PCDHA7: variants seen among roughly 807,000 people sequenced by gnomAD.
The protein encoded by PCDHA7 is protocadherin alpha-7.
PCDHA7 carries 37 observed loss-of-function variants against 57.2 expected under a neutral mutation model. That is an observed-to-expected ratio of 0.65 (90% CI 0.50 to 0.85). PCDHA7 has a LOEUF of 0.85. Ranked by LOEUF, PCDHA7 falls within the 40% of genes least tolerant of loss-of-function variation. The probability of loss-of-function intolerance (pLI) is 0.00; values close to 1 mark genes in which losing one functional copy is unlikely to be tolerated. For synonymous variants in PCDHA7, 553 were observed against 558.8 expected (o/e 0.99, Z 0.15); for missense variants, 1,188 against 1,241.8 (o/e 0.96, Z 0.65).
At chr5:140,910,028 T>C (rs1402911275) in intron 1 of PCDHA7, among the ~76,000 whole-genome samples, 4 of 152,222 alleles carry the variant, frequency 2.6e-5, no homozygotes, top group African/African-American at 9.6e-5. Flanking sequence ...ATCCCTGGGA[T>C]AAATCCCACT....
At chr5:140,980,173 G>GA (rs2096879198) in intron 2 of PCDHA7, among the ~76,000 whole-genome samples, 1 of 152,162 alleles carries the variant, frequency 6.6e-6, no homozygotes, top group Non-Finnish European at 1.5e-5. Flanking sequence ...GGTATCAGAA[G>GA]AAATTCTTTA....
chr5:140,917,333 G>A (rs1301739777), intron 1 of PCDHA7, among the ~76,000 whole-genome samples: 2 of 148,632 alleles, frequency 1.3e-5, no homozygotes, highest in African/African-American at 4.9e-5. Flanking sequence ...GCGGGGGAGG[G>A]GGGGGATGGT....
intron 1 of PCDHA7, chr5:140,847,977 G>A (rs1781271032): frequency 6.4e-6 from 1 of 155,600 alleles, no homozygotes; most frequent in Non-Finnish European, 1.4e-5. Context: ...CGAGCCATAT[G>A]GGAGATTCTG....
chr5:140,954,208 A>C (rs568734009), intron 1 of PCDHA7, among the ~76,000 whole-genome samples: 1 of 152,254 alleles, frequency 6.6e-6, no homozygotes, highest in Admixed American at 6.5e-5. Context: ...GGTTGATCCC[A>C]TGTTTTTGCT....
chr5:140,876,801 G>A lies in PCDHA7; in HGVS notation c.2355+40063G>A, dbSNP rs1015597244. 3.1e-6 allele frequency: 5 copies of A among 1,614,114 alleles called. No homozygotes were observed. The African/African-American group carries it at 6.7e-5, about 22-fold the overall frequency. On this transcript the variant is annotated intron_variant, in intron 1 of 3. Transcript: ENST00000525929. ...TGTGGGCCACGGCTAGAGTGTCCGT[G>A]GAGGTGGCCGACGTGAACGACAATG...
At chr5:140,905,842 T>C (rs2072141061) in intron 1 of PCDHA7, among the ~76,000 whole-genome samples, 1 of 152,148 alleles carries the variant, frequency 6.6e-6, no homozygotes, top group Non-Finnish European at 1.5e-5. Flanking sequence ...GGGGAGTTTA[T>C]TAAGGAGTAT....
intron 1 of PCDHA7, chr5:140,882,203 TGA>T: frequency 6.5e-7 from 1 of 1,530,090 alleles, no homozygotes; most frequent in Non-Finnish European, 8.8e-7. Flanking sequence ...AATTGGGCCT[TGA>T]GAGACAGTTT....
chr5:140,847,199 C>A (rs2150397998), intron 1 of PCDHA7, among the ~76,000 whole-genome samples: 1 of 149,422 alleles, frequency 6.7e-6, no homozygotes, highest in Non-Finnish European at 1.5e-5. Context: ...AGGAATTTGG[C>A]CACTCTTTAG....
In PCDHA7 at chr5:140,882,793, C is replaced by A. The variant is rs1176435531; in HGVS notation, c.2355+46055C>A. 2.5e-6 allele frequency: 4 copies of A among 1,614,092 alleles called. No individual in the cohort carries two copies. In the Admixed American group the frequency reaches 6.7e-5, roughly 27 times the overall value. On this transcript the variant is annotated intron_variant, in intron 1 of 3. Coordinates refer to ENST00000525929, the MANE Select transcript of PCDHA7 (RefSeq NM_018910.3). ...CATTGACCTACCGACTGGATCCCAA[C>A]GATTATTTCACTTTGGACGCACAAA... is the stretch of plus-strand genomic sequence containing the variant.
At chr5:140,844,109 T>A (rs1779229208) in intron 1 of PCDHA7, among the ~76,000 whole-genome samples, 1 of 149,768 alleles carries the variant, frequency 6.7e-6, no homozygotes, top group Non-Finnish European at 1.5e-5. Flanking sequence ...CCATATGCTG[T>A]ACTTTGAAAT....
chr5:140,853,779 T>G lies in PCDHA7; in HGVS notation c.2355+17041T>G, dbSNP rs958716488. On this transcript the variant is annotated intron_variant, in intron 1 of 3. Coordinates refer to ENST00000525929, the MANE Select transcript of PCDHA7 (RefSeq NM_018910.3). ...ACCTCAGAAATTCTGAAATGGGTAG[T>G]AAGAGCAAATTTTCATTTTAAAGCA... 3.5e-5 allele frequency: 35 copies of G among 987,624 alleles called. No individual in the cohort carries two copies. In the African/African-American group the frequency reaches 6.2e-4, roughly 17 times the overall value. 61.2% of individuals were successfully genotyped at this position (987,624 alleles called of 1,614,324 possible).
chr5:140,883,226 G>A, intron 1 of PCDHA7: 2 of 1,613,938 alleles, frequency 1.2e-6, no homozygotes, highest in South Asian at 1.1e-5. Flanking sequence ...TGAAATATCC[G>A]TGGAGGCAGT....
intron 1 of PCDHA7, chr5:140,929,259 G>A (rs782558603): frequency 4.7e-5 from 76 of 1,612,754 alleles, no homozygotes; most frequent in Non-Finnish European, 6.2e-5. Context: ...GGGTAGGACT[G>A]AATTTGCCAA....
At chr5:140,858,851 A>G in intron 1 of PCDHA7, 1 of 282,254 alleles carries the variant, frequency 3.5e-6, no homozygotes, top group Non-Finnish European at 6.7e-6. Flanking sequence ...ACTGATCTAT[A>G]TCTCTTCAGT....
intron 1 of PCDHA7, chr5:140,884,432 C>G: frequency 6.2e-7 from 1 of 1,613,880 alleles, no homozygotes; most frequent in Non-Finnish European, 8.5e-7. Context: ...TACTGCGCTG[C>G]GGTGCTCGGC....
At position 140,850,115 on chromosome 5, in the gene PCDHA7, G is replaced by T. The variant is rs2150468444; in HGVS notation, c.2355+13377G>T. 1.3e-5 allele frequency: 21 copies of T among 1,595,978 alleles called. 2 individuals are homozygous for T. The highest frequency in any genetic ancestry group is 2.2e-5 in the South Asian group (2 of 90,490). ...AGTTCCAGGTGAGCGCGCGCGACGC[G>T]GGCGTGCCGCCTCTGGGCAGCAACG... On this transcript the variant is annotated intron_variant, in intron 1 of 3. Coordinates refer to ENST00000525929, the MANE Select transcript of PCDHA7 (RefSeq NM_018910.3).
chr5:140,923,306 C>T (rs572766829), intron 1 of PCDHA7, among the ~76,000 whole-genome samples: 1 of 152,098 alleles, frequency 6.6e-6, no homozygotes, highest in East Asian at 1.9e-4. Flanking sequence ...GGCGTGGGGG[C>T]GCTTGGCCTA....
At chr5:140,836,762 C>T (rs2150269461) in intron 1 of PCDHA7, 24 bp downstream of exon 1, 3 of 1,567,656 alleles carry the variant, frequency 1.9e-6, no homozygotes, top group Non-Finnish European at 2.6e-6. Context: ...AATCTTGTTT[C>T]CAACAATTTT....
Position 140,927,111 on chromosome 5 carries a change from C to T in PCDHA7, c.2356-51838C>T. Reference sequence around the variant, plus strand: ...ACTTCGGGGTGGATCTACCCAGCGGCAATTTGGTGGTCAGAGAGCCGGCGG... The same window carrying T: ...ACTTCGGGGTGGATCTACCCAGCGGTAATTTGGTGGTCAGAGAGCCGGCGG... On this transcript the variant is annotated intron_variant, in intron 1 of 3. Transcript: ENST00000525929. The T allele has an allele frequency of 3.7e-6, 6 of 1,613,856 alleles. No individual in the cohort carries two copies. In the Middle Eastern group the frequency reaches 8.3e-4, roughly 222 times the overall value.
Sources: gnomAD v4.1 joint callset for allele counts (sites outside exome capture counted in the v4.1 genomes callset) on GRCh38, gnomAD v4.1.1 for gene constraint, MANE v1.5 for transcripts, NCBI Gene and HGNC (gene_info 2026-07-23, HGNC 2026-07-21) for gene names.